Variants in STON2 observed in about 807,000 individuals in gnomAD.
STON2 encodes stonin-2.
A neutral mutation model predicts 65.7 loss-of-function variants in STON2; 29 were observed. The observed-to-expected ratio is 0.44, with a 90% confidence interval of 0.33 to 0.60. STON2 has a LOEUF of 0.60. STON2 is among the 20% of genes least tolerant of loss of function. The probability of loss-of-function intolerance (pLI) is 0.03; values close to 1 mark genes in which losing one functional copy is unlikely to be tolerated. For synonymous variants in STON2, 404 were observed against 414.2 expected (o/e 0.98, Z 0.30); for missense variants, 1,054 against 1,118.1 (o/e 0.94, Z 0.82).
intron 4 of STON2, among the ~76,000 whole-genome samples, chr14:81,328,408 G>C (rs1897077290): frequency 6.6e-6 from 1 of 152,210 alleles, no homozygotes; most frequent in African/African-American, 2.4e-5. Flanking sequence ...TTGAAAGTAA[G>C]TACTACTGGT....
At chr14:81,295,521 GA>G (rs1320327710) in intron 5 of STON2, among the ~76,000 whole-genome samples, 1 of 152,176 alleles carries the variant, frequency 6.6e-6, no homozygotes. Context: ...GAACTTCTGA[GA>G]AAGGAAATTA....
intron 3 of STON2, among the ~76,000 whole-genome samples, chr14:81,374,189 T>TA (rs1489782607): frequency 2.0e-5 from 3 of 150,604 alleles, no homozygotes; most frequent in African/African-American, 7.3e-5. Context: ...TTTTTTTTTT[T>TA]ATTTTTAGTA....
At chr14:81,402,066 G>A (rs1900635229), upstream of STON2, among the ~76,000 whole-genome samples, 1 of 152,184 alleles carries the variant, frequency 6.6e-6, no homozygotes, top group African/African-American at 2.4e-5. Flanking sequence ...GAGAGCAGAG[G>A]TATCTACTGG....
At chr14:81,306,118 TA>T (rs1478564976) in intron 5 of STON2, among the ~76,000 whole-genome samples, 1 of 151,286 alleles carries the variant, frequency 6.6e-6, no homozygotes, top group African/African-American at 2.4e-5. Flanking sequence ...TAATTTTTTT[TA>T]ATTGCAACCA....
intron 3 of STON2, among the ~76,000 whole-genome samples, chr14:81,384,738 C>T (rs1473136585): frequency 6.6e-6 from 1 of 152,140 alleles, no homozygotes; most frequent in Non-Finnish European, 1.5e-5. Flanking sequence ...TCAGCTAATA[C>T]AGTATTTTTC....
chr14:81,350,725 AT>A (rs1226129080), intron 4 of STON2, among the ~76,000 whole-genome samples: 2 of 152,176 alleles, frequency 1.3e-5, no homozygotes, highest in African/African-American at 4.8e-5. Flanking sequence ...ACCAAAACTC[AT>A]TATGATTCTA....
intron 4 of STON2, among the ~76,000 whole-genome samples, chr14:81,334,871 T>C (rs1897317076): frequency 6.6e-6 from 1 of 152,138 alleles, no homozygotes; most frequent in South Asian, 2.1e-4. Context: ...AGAGTCTCAT[T>C]CTGTCACCCA....
At chr14:81,315,519 C>CGCA (rs67063549) in intron 5 of STON2, among the ~76,000 whole-genome samples, 1 of 7,348 alleles carries the variant, frequency 1.4e-4, no homozygotes, top group Admixed American at 1.1e-3. Context: ...AGGCAGGTGA[C>CGCA]GATACTGGCA....
chr14:81,356,560 T>C (rs1898242731), intron 4 of STON2, among the ~76,000 whole-genome samples: 1 of 152,180 alleles, frequency 6.6e-6, no homozygotes, highest in Non-Finnish European at 1.5e-5. Flanking sequence ...TTTCTATTGA[T>C]TGGAATAGTT....
At chr14:81,295,267 G>C (rs1895715347) in intron 5 of STON2, among the ~76,000 whole-genome samples, 1 of 152,216 alleles carries the variant, frequency 6.6e-6, no homozygotes, top group East Asian at 1.9e-4. Flanking sequence ...AGAGGTTGCA[G>C]TGAGCCGAGA....
Position 81,263,731 on chromosome 14 carries a change from AT to A in STON2, c.*4682del. On this transcript the variant is annotated 3_prime_UTR_variant, in exon 8 of 8. Transcript: ENST00000614646. ...ATGCTGGAATTAACATATAATCCTC[AT>A]TTTTAGAAGAGTTAAAGTTACCACT... The A allele has an allele frequency of 1.0e-6, 1 of 985,298 alleles. No homozygotes were observed. Among genetic ancestry groups the A allele is most frequent in the Non-Finnish European group, 1.2e-6 (1 of 829,890 alleles). 61.0% of individuals were successfully genotyped at this position (985,298 alleles called of 1,614,324 possible). A position where few individuals can be genotyped will look rare whatever the true frequency, so the allele number is the denominator to read the frequency against.
Position 81,386,744 on chromosome 14 carries a change from G to A in STON2, c.373+9150C>T, listed in dbSNP as rs528907165. 2.0e-5 allele frequency among the ~76,000 whole-genome samples: 3 copies of A among 152,334 alleles called. No individual in the cohort carries two copies. In the East Asian group the frequency reaches 5.8e-4, roughly 29 times the overall value. ...TGTCCCTGGAGGAAGGTCAGCATAT[G>A]AGTGAACAGGAAGCTTCATGCTGAC... On this transcript the variant is annotated intron_variant, in intron 3 of 7. Coordinates refer to ENST00000614646, the MANE Select transcript of STON2 (RefSeq NM_001394390.1).
At chr14:81,347,966 C>T (rs1302100563) in intron 4 of STON2, among the ~76,000 whole-genome samples, 1 of 144,792 alleles carries the variant, frequency 6.9e-6, no homozygotes, top group Non-Finnish European at 1.5e-5. Flanking sequence ...AAGGACAGTT[C>T]AACACGTGCA....
chr14:81,330,004 G>A lies in STON2; in HGVS notation c.572-5817C>T, dbSNP rs537872457. 6.7e-3 allele frequency among the ~76,000 whole-genome samples: 1,018 copies of A among 152,320 alleles called. 9 individuals carry two copies. Among genetic ancestry groups the A allele is most frequent in the Non-Finnish European group, 8.5e-3 (579 of 68,012 alleles). ...AGCTTCCGTCTTCCTCCACAGGAGG[G>A]AAAGGGGGAATATTAACACCATCCC... On this transcript the variant is annotated intron_variant, in intron 4 of 7. Coordinates refer to ENST00000614646, the MANE Select transcript of STON2 (RefSeq NM_001394390.1).
chr14:81,340,035 T>TC (rs1199339141), intron 4 of STON2, among the ~76,000 whole-genome samples: 1 of 152,164 alleles, frequency 6.6e-6, no homozygotes, highest in Non-Finnish European at 1.5e-5. Flanking sequence ...GCGCCTGTAG[T>TC]CCTAGCTACT....
chr14:81,364,378 A>G (rs1898628113), intron 4 of STON2, among the ~76,000 whole-genome samples: 1 of 152,224 alleles, frequency 6.6e-6, no homozygotes, highest in African/African-American at 2.4e-5. Context: ...AGCAAGAGAC[A>G]AAGTAAGGCT....
At chr14:81,280,398 G>A (rs76779425) in intron 5 of STON2, among the ~76,000 whole-genome samples, 91 of 152,300 alleles carry the variant, frequency 6.0e-4, no homozygotes, top group African/African-American at 2.2e-3. Context: ...AAATAAGTGA[G>A]AAAAGAAACT....
chr14:81,429,860 G>A (rs894988148), intron 1 of STON2, among the ~76,000 whole-genome samples: 5 of 152,052 alleles, frequency 3.3e-5, no homozygotes, highest in East Asian at 1.9e-4. Context: ...GCTTGAACCC[G>A]GGAGGCGGAG....
chr14:81,366,115 T>C (rs60669895), intron 4 of STON2, among the ~76,000 whole-genome samples: 3,484 of 152,322 alleles, frequency 0.023, 145 homozygotes, highest in African/African-American at 0.079. Flanking sequence ...ACATCAACAC[T>C]GCTCTCCAGC....
Sources: gnomAD v4.1 joint callset for allele counts (sites outside exome capture counted in the v4.1 genomes callset) on GRCh38, gnomAD v4.1.1 for gene constraint, MANE v1.5 for transcripts, NCBI Gene and HGNC (gene_info 2026-07-23, HGNC 2026-07-21) for gene names.